JMJD1C: variants seen among roughly 807,000 people sequenced by gnomAD.
JMJD1C encodes jumonji domain-containing protein 1C.
A neutral mutation model predicts 245.3 loss-of-function variants in JMJD1C; 31 were observed. That is an observed-to-expected ratio of 0.13 (90% confidence interval 0.09 to 0.17). The LOEUF (loss-of-function observed/expected upper bound fraction) is 0.17. Among genes scored for constraint, JMJD1C ranks in the 10% least tolerant of loss-of-function variants. JMJD1C has a pLI of 1.00. For missense variants in JMJD1C, 2,691 were observed against 3,000.2 expected, an observed-to-expected ratio of 0.90 and a Z score of 2.41; for synonymous variants, 1,057 against 1,017.4, an observed-to-expected ratio of 1.04 and a Z score of -0.74.
At chr10:63,510,292 C>T (rs772554846) in intron 1 of JMJD1C, among the ~76,000 whole-genome samples, 2 of 152,136 alleles carry the variant, frequency 1.3e-5, no homozygotes, top group Non-Finnish European at 2.9e-5. Flanking sequence ...CATGAGCCAC[C>T]GCGCTCGGCC....
intron 2 of JMJD1C, among the ~76,000 whole-genome samples, chr10:63,365,840 T>C (rs574835405): frequency 2.2e-4 from 33 of 152,348 alleles, no homozygotes; most frequent in Non-Finnish European, 4.6e-4. Context: ...ATCAACCTTA[T>C]TGAAAGAGGT....
chr10:63,401,821 T>C (rs1352424811), intron 1 of JMJD1C, among the ~76,000 whole-genome samples: 1 of 152,020 alleles, frequency 6.6e-6, no homozygotes, highest in Non-Finnish European at 1.5e-5. Flanking sequence ...AGCCTTCATG[T>C]ATAGAATTAA....
intron 1 of JMJD1C, among the ~76,000 whole-genome samples, chr10:63,501,918 G>A (rs1349470380): frequency 6.6e-6 from 1 of 152,186 alleles, no homozygotes; most frequent in Non-Finnish European, 1.5e-5. Context: ...CGAGAAGAAA[G>A]GAGGCAGGGA....
intron 1 of JMJD1C, among the ~76,000 whole-genome samples, chr10:63,492,619 A>C (rs553788631): frequency 6.6e-6 from 1 of 152,322 alleles, no homozygotes; most frequent in Admixed American, 6.5e-5. Context: ...GGTGGCAGTA[A>C]GCCAAGATTG....
intron 1 of JMJD1C, among the ~76,000 whole-genome samples, chr10:63,482,995 T>C (rs1287388130): frequency 6.6e-6 from 1 of 152,240 alleles, no homozygotes; most frequent in African/African-American, 2.4e-5. Flanking sequence ...TAATCAATCA[T>C]GACCATTTTG....
rs1847752500 is a variant in JMJD1C at position 63,214,563 on chromosome 10, T to G, written c.1604A>C (p.Gln535Pro). 7 of 1,613,894 alleles carry G rather than the reference T, an allele frequency of 4.3e-6. No homozygotes were observed. The highest frequency in any genetic ancestry group is 5.1e-6 in the Non-Finnish European group (6 of 1,179,950). Residue 535 changes from glutamine (Q) to proline (P), a missense_variant, in exon 8 of 26, where the codon CAG becomes CCG. Physicochemically the swap from Gln to Pro is moderately conservative, Grantham distance 76. Coordinates refer to ENST00000399262, the MANE Select transcript of JMJD1C (RefSeq NM_032776.3). ...NSSTFGLQTL[Q>P]KMDPNVSDSK... is the part of the protein sequence containing the mutation. ...ATCACTAACATTAGGATCCATTTTC[T>G]GAAGTGTCTGAAGGCCAAAGGTACT... is the stretch of plus-strand genomic sequence containing the variant.
rs1247392736 is a variant in JMJD1C at position 63,427,708 on chromosome 10, GGT to G, written c.168+37785_168+37786del. 1.1e-5 allele frequency: 15 copies of G among 1,319,996 alleles called. No homozygotes were observed. In the Admixed American group the frequency reaches 2.5e-4, roughly 22 times the overall value. 81.8% of individuals were successfully genotyped at this position (1,319,996 alleles called of 1,614,324 possible). A position where few individuals can be genotyped will look rare whatever the true frequency, so the allele number is the denominator to read the frequency against. On this transcript the variant is annotated intron_variant, in intron 1 of 25. Transcript: ENST00000399262. ...AGCCTGGGTCTCCTCTAGCTTATTT[GGT>G]GTCTCCAGAAGTGTCCAGGAATTTG...
At chr10:63,483,459 G>A (rs1371407173) in intron 1 of JMJD1C, among the ~76,000 whole-genome samples, 6 of 152,146 alleles carry the variant, frequency 3.9e-5, no homozygotes, top group African/African-American at 1.2e-4. Context: ...CCCTGCCTCT[G>A]CGCATTAGAT....
intron 3 of JMJD1C, among the ~76,000 whole-genome samples, chr10:63,249,711 T>A (rs1852778717): frequency 6.6e-6 from 1 of 151,940 alleles, no homozygotes; most frequent in Non-Finnish European, 1.5e-5. Flanking sequence ...AATACAAAAA[T>A]TAGCCAGGCG....
chr10:63,168,512 G>T lies in JMJD1C; in HGVS notation c.7456C>A (p.His2486Asn). ...GTTAAATGAAATGACTCTACAAGAT[G>T]TTCTGGAGACACAAAATCTTCAGTT... ...QVTEDFVSPE[H>N]LVESFHLTQE... Residue 2486 changes from histidine (H) to asparagine (N), a missense_variant, in exon 25 of 26, where the codon CAT becomes AAT. His to Asn is a moderately conservative substitution (Grantham distance 68). Around this residue, in one of 9 missense-constraint regions of JMJD1C, gnomAD observed 232 missense variants for 416.1 expected, o/e 0.56. Coordinates refer to ENST00000399262, the MANE Select transcript of JMJD1C (RefSeq NM_032776.3). The T allele has an allele frequency of 6.2e-7, 1 of 1,609,340 alleles. No homozygotes were observed. The highest frequency in any genetic ancestry group is 1.1e-5 in the South Asian group (1 of 90,400).
intron 1 of JMJD1C, among the ~76,000 whole-genome samples, chr10:63,430,709 T>A (rs182679650): frequency 1.3e-5 from 2 of 152,192 alleles, no homozygotes; most frequent in Non-Finnish European, 2.9e-5. Flanking sequence ...ATGAATTTTA[T>A]AAGGTTTAAT....
At chr10:63,387,236 T>C (rs934870415) in intron 1 of JMJD1C, among the ~76,000 whole-genome samples, 1 of 152,044 alleles carries the variant, frequency 6.6e-6, no homozygotes, top group African/African-American at 2.4e-5. Context: ...TGCATAGATA[T>C]CAATGTAGAA....
At chr10:63,238,171 A>G (rs1589247428) in intron 3 of JMJD1C, among the ~76,000 whole-genome samples, 1 of 115,348 alleles carries the variant, frequency 8.7e-6, no homozygotes, top group South Asian at 3.1e-4. Context: ...ACAGTGTGAG[A>G]CTCCATCTCA....
At chr10:63,297,270 C>T (rs140971317) in intron 2 of JMJD1C, among the ~76,000 whole-genome samples, 80 of 152,268 alleles carry the variant, frequency 5.3e-4, no homozygotes, top group East Asian at 2.3e-3. Flanking sequence ...TTTGGCCAGT[C>T]GGATAGTGCT....
intron 3 of JMJD1C, among the ~76,000 whole-genome samples, chr10:63,238,006 T>TTAA (rs1491302574): frequency 3.6e-5 from 1 of 27,602 alleles, no homozygotes; most frequent in African/African-American, 1.6e-4. Flanking sequence ...CCGTCTCTAC[T>TTAA]AAAAAAAAAA....
intron 1 of JMJD1C, among the ~76,000 whole-genome samples, chr10:63,406,388 C>T (rs765305517): frequency 7.2e-4 from 110 of 152,076 alleles, no homozygotes; most frequent in Admixed American, 1.4e-3. Context: ...TGAAGAAAAA[C>T]GTTTCCTAGA....
intron 15 of JMJD1C, 54 bp from the exon 16 acceptor site, chr10:63,193,205 G>A: frequency 1.3e-6 from 2 of 1,515,686 alleles, no homozygotes. Flanking sequence ...AATTCAATTA[G>A]TAGTATAGAT....
intron 10 of JMJD1C, chr10:63,203,902 T>G (rs371870475): frequency 9.2e-6 from 9 of 980,098 alleles, no homozygotes; most frequent in African/African-American, 3.5e-5. Context: ...TACTAAACAA[T>G]AGAAAGAAAA....
At chr10:63,314,630 T>C (rs571515997) in intron 2 of JMJD1C, among the ~76,000 whole-genome samples, 1 of 143,978 alleles carries the variant, frequency 6.9e-6, no homozygotes, top group Non-Finnish European at 1.5e-5. Flanking sequence ...CAAAGTTTTG[T>C]TTTTTTTTTT....
Sources: gnomAD v4.1 joint callset for allele counts (sites outside exome capture counted in the v4.1 genomes callset) on GRCh38, gnomAD v4.1.1 for gene constraint, gnomAD v4.1.1 regional missense constraint, MANE v1.5 for transcripts, NCBI Gene and HGNC (gene_info 2026-07-23, HGNC 2026-07-21) for gene names.